Variants in CAPRIN1 observed in about 807,000 individuals in gnomAD.
CAPRIN1 encodes the protein caprin-1.
CAPRIN1 carries 29 observed loss-of-function variants against 100.9 expected under a neutral mutation model. The observed-to-expected ratio is 0.29, with a 90% CI of 0.21 to 0.39. The LOEUF (loss-of-function observed/expected upper bound fraction) is 0.39. Among genes scored for constraint, CAPRIN1 ranks in the 10% least tolerant of loss-of-function variants. CAPRIN1 has a pLI of 1.00. For synonymous variants in CAPRIN1, 338 were observed against 307.5 expected (o/e 1.10, Z -1.04); for missense variants, 795 against 876.7 (o/e 0.91, Z 1.18).
In CAPRIN1 at chr11:34,066,309, C is replaced by A. The variant is rs73497058; in HGVS notation, c.217-5417C>A. On this transcript the variant is annotated intron_variant, in intron 2 of 18. Transcript: ENST00000341394. ...TCGGCCAAGACCTGTAGTTTCTGTA[C>A]CTTTTTAATTTATTTTTATTTATTT... 2.5e-3 allele frequency among the ~76,000 whole-genome samples: 372 copies of A among 151,070 alleles called. 3 individuals carry two copies. The highest frequency in any genetic ancestry group is 8.3e-3 in the African/African-American group (344 of 41,228).
At chr11:34,074,417 T>C (rs553186975) in intron 4 of CAPRIN1, among the ~76,000 whole-genome samples, 12 of 152,358 alleles carry the variant, frequency 7.9e-5, no homozygotes, top group African/African-American at 2.9e-4. Context: ...ATGCTTTTTG[T>C]TTAGCATTCA....
chr11:34,090,166 T>C lies in CAPRIN1; in HGVS notation c.1294-13T>C, dbSNP rs201447252. On this transcript the variant is annotated splice_polypyrimidine_tract_variant and intron_variant, in intron 12 of 18. Transcript: ENST00000341394. ...AAGCAGGAAGAAGCTTTTATTTCTT[T>C]ACTTATGTCTAGGTTCCTTTGGTAT... 6.5e-7 allele frequency: 1 copy of C among 1,540,276 alleles called. No individual in the cohort carries two copies. Among genetic ancestry groups the C allele is most frequent in the South Asian group, 1.1e-5 (1 of 87,148 alleles).
At chr11:34,055,967 G>C (rs1388990880) in intron 2 of CAPRIN1, among the ~76,000 whole-genome samples, 1 of 152,118 alleles carries the variant, frequency 6.6e-6, no homozygotes, top group African/African-American at 2.4e-5. Context: ...AAGCACATCT[G>C]GTTTTTAGTT....
At chr11:34,067,359 T>C (rs188924684) in intron 2 of CAPRIN1, among the ~76,000 whole-genome samples, 2 of 152,352 alleles carry the variant, frequency 1.3e-5, no homozygotes, top group East Asian at 1.9e-4. Flanking sequence ...TACATACTTA[T>C]TTCCTTACAG....
At chr11:34,076,743 T>A (rs1204496069) in intron 6 of CAPRIN1, 101 bp downstream of exon 6, 2 of 862,140 alleles carry the variant, frequency 2.3e-6, no homozygotes, top group Non-Finnish European at 3.6e-6. Context: ...TTAGTTTTTT[T>A]TTTTTTTTGG....
At position 34,052,633 on chromosome 11, in the gene CAPRIN1, A is replaced by G. The variant is rs1268259865; in HGVS notation, c.213A>G (p.Lys71=). The G allele has an allele frequency of 6.2e-7, 1 of 1,606,954 alleles. No individual in the cohort carries two copies. The highest frequency in any genetic ancestry group is 8.5e-7 in the Non-Finnish European group (1 of 1,177,134). ...AGAAACTTCGGAACCTGGAGAAGAA[A>G]AAGGTGCCAGGAGTTGGCGGGGAAG... ...IDKKLRNLEK[K]KGKLDDYQER... Residue 71 remains lysine, a synonymous_variant, in exon 2 of 19, where the codon AAA becomes AAG. Transcript: ENST00000341394.
intron 18 of CAPRIN1, chr11:34,098,307 CTT>C (rs1851401124): frequency 8.1e-6 from 8 of 984,332 alleles, no homozygotes; most frequent in Non-Finnish European, 9.6e-6. Context: ...TTATTTCTGA[CTT>C]TTAAACAAAA....
chr11:34,098,110 T>A (rs949492707), intron 18 of CAPRIN1: 41 of 1,013,236 alleles, frequency 4.0e-5, no homozygotes, highest in Non-Finnish European at 4.6e-5. Flanking sequence ...TGGAATGAGA[T>A]TGAACATTTA....
rs1851221553 is a variant in CAPRIN1, at chr11:34,089,413, T to G, written c.1250T>G (p.Leu417Arg). The change falls in exon 12 of 19, where the codon CTT becomes CGT. Residue 417 changes from leucine (L) to arginine (R), a missense_variant. Coordinates refer to ENST00000341394, the MANE Select transcript of CAPRIN1 (RefSeq NM_005898.5). ...TTTGCAGTTCATTCTGAATCTAGAC[T>G]TGCTCAGCCTAATCAAGTTCCTGTA... ...VCPPVHSESR[L>R]AQPNQVPVQP... 6.2e-7 allele frequency: 1 copy of G among 1,607,962 alleles called. No homozygotes were observed. Among genetic ancestry groups the G allele is most frequent in the African/African-American group, 1.3e-5 (1 of 74,544 alleles).
At chr11:34,067,472 C>T (rs1469204415) in intron 2 of CAPRIN1, among the ~76,000 whole-genome samples, 1 of 151,560 alleles carries the variant, frequency 6.6e-6, no homozygotes, top group Non-Finnish European at 1.5e-5. Context: ...GGCATGTGAG[C>T]TTTAATAAAA....
intron 2 of CAPRIN1, chr11:34,055,922 G>C (rs1381986783): frequency 6.6e-6 from 1 of 152,118 alleles, no homozygotes; most frequent in African/African-American, 2.4e-5. Flanking sequence ...TTTGCCCTTT[G>C]AAAAACCCAG....
chr11:34,092,382 G>T (rs1359939236), intron 15 of CAPRIN1, among the ~76,000 whole-genome samples: 1 of 149,202 alleles, frequency 6.7e-6, no homozygotes. Context: ...TTTGAGATGG[G>T]GTCTCACTCT....
intron 18 of CAPRIN1, 116 bp downstream of exon 18, chr11:34,097,877 A>G: frequency 2.6e-6 from 4 of 1,534,358 alleles, no homozygotes; most frequent in Non-Finnish European, 3.5e-6. Context: ...ACTTGTTGCT[A>G]GGGATTAAAT....
At chr11:34,052,736 G>A (rs1370275169) in intron 2 of CAPRIN1, 100 bp downstream of exon 2, 2 of 1,434,772 alleles carry the variant, frequency 1.4e-6, no homozygotes, top group Non-Finnish European at 1.9e-6. Context: ...CGTCTCGGGA[G>A]CGTTACTAGG....
At chr11:34,083,716 A>G (rs568905308) in intron 9 of CAPRIN1, among the ~76,000 whole-genome samples, 298 of 152,348 alleles carry the variant, frequency 2.0e-3, no homozygotes, top group African/African-American at 6.9e-3. Context: ...GGTGCAGGAA[A>G]ATAGCTGTAA....
At position 34,052,404 on chromosome 11, in the gene CAPRIN1, C is replaced by G; in HGVS notation, c.1-17C>G. On this transcript the variant is annotated splice_polypyrimidine_tract_variant and intron_variant, in intron 1 of 18. Transcript: ENST00000341394. ...TCCTTCCTCCCGCTTTTTCTTCTCT[C>G]TCCTTGCGGTCTGAAGATGCCCTCG... The G allele has an allele frequency of 6.2e-7, 1 of 1,601,014 alleles. No individual in the cohort carries two copies. The highest frequency in any genetic ancestry group is 8.5e-7 in the Non-Finnish European group (1 of 1,174,134).
At chr11:34,089,503 GT>G in intron 12 of CAPRIN1, 47 bp downstream of exon 12, 1 of 1,092,024 alleles carries the variant, frequency 9.2e-7, no homozygotes, top group Non-Finnish European at 1.4e-6. Flanking sequence ...TAGGTGGCTC[GT>G]ACCTATAATC....
At chr11:34,061,860 A>G (rs995301636) in intron 2 of CAPRIN1, among the ~76,000 whole-genome samples, 7 of 150,794 alleles carry the variant, frequency 4.6e-5, no homozygotes, top group African/African-American at 1.7e-4. Context: ...AATCCCAGTT[A>G]CCTGGGAGTC....
intron 2 of CAPRIN1, among the ~76,000 whole-genome samples, chr11:34,053,911 C>G (rs1187651002): frequency 1.3e-5 from 2 of 152,124 alleles, no homozygotes; most frequent in Non-Finnish European, 2.9e-5. Flanking sequence ...TAAAATGAAG[C>G]CTTGATAACT....
Sources: allele counts gnomAD v4.1 joint callset (sites outside exome capture counted in the v4.1 genomes callset), GRCh38; gene constraint gnomAD v4.1.1; transcripts MANE v1.5; gene names NCBI Gene and HGNC (gene_info 2026-07-23, HGNC 2026-07-21).